Variants in TPO observed in about 807,000 individuals in gnomAD.
The protein encoded by TPO is thyroid peroxidase, also known as thyroid microsomal antigen.
A neutral mutation model predicts 96.9 loss-of-function variants in TPO; 78 were observed. The observed-to-expected ratio is 0.81, with a 90% CI of 0.67 to 0.97. The LOEUF is 0.97. Ranked by LOEUF, TPO falls within the 50% of genes least tolerant of loss-of-function variation. The pLI is 0.00. For synonymous variants in TPO, 547 were observed against 538.0 expected, an observed-to-expected ratio of 1.02 and a Z score of -0.23; for missense variants, 1,252 against 1,274.8, an observed-to-expected ratio of 0.98 and a Z score of 0.27.
intron 1 of TPO, among the ~76,000 whole-genome samples, chr2:1,381,011 C>T (rs1661801757): frequency 6.6e-6 from 1 of 152,176 alleles, no homozygotes. Flanking sequence ...TTCTGGGGCA[C>T]ATGTGCTGAA....
intron 5 of TPO, among the ~76,000 whole-genome samples, chr2:1,440,868 T>C (rs183279755): frequency 3.4e-4 from 52 of 152,120 alleles, no homozygotes; most frequent in African/African-American, 1.2e-3. Flanking sequence ...GTCCTTCTTG[T>C]TTCCATGGTG....
rs559239885 is a variant in TPO, at chr2:1,414,877, A to G, written c.94+375A>G. 2.0e-5 allele frequency among the ~76,000 whole-genome samples: 3 copies of G among 152,400 alleles called. No homozygotes were observed. The South Asian group carries it at 6.2e-4, about 32-fold the overall frequency. On this transcript the variant is annotated intron_variant, in intron 2 of 16. Transcript: ENST00000329066. Reference sequence around the variant, plus strand: ...CTACTATGTGAAAACAAGTTAAGAAAGCTACTGAGATGCAGTGGTTAAAAT... The same window carrying G: ...CTACTATGTGAAAACAAGTTAAGAAGGCTACTGAGATGCAGTGGTTAAAAT...
chr2:1,436,656 G>A (rs970063609), intron 5 of TPO, among the ~76,000 whole-genome samples: 6 of 152,040 alleles, frequency 3.9e-5, no homozygotes, highest in African/African-American at 7.2e-5. Context: ...AAATTCCACC[G>A]CCCTTCACCT....
At chr2:1,428,693 AC>A (rs1664677381) in intron 3 of TPO, among the ~76,000 whole-genome samples, 1 of 152,152 alleles carries the variant, frequency 6.6e-6, no homozygotes, top group South Asian at 2.1e-4. Flanking sequence ...CAAAAGGAGC[AC>A]CCTTGGCCTT....
chr2:1,538,305 G>GCGGGTTGAATT (rs1466713804), intron 15 of TPO, among the ~76,000 whole-genome samples: 1 of 152,170 alleles, frequency 6.6e-6, no homozygotes, highest in Non-Finnish European at 1.5e-5. Context: ...ACAAAGGAAA[G>GCGGGTTGAATT]CGGGTTGAAT....
chr2:1,531,066 C>G (rs1678047924), intron 15 of TPO, among the ~76,000 whole-genome samples: 1 of 73,918 alleles, frequency 1.4e-5, no homozygotes, highest in Non-Finnish European at 2.6e-5. Flanking sequence ...CCACTATGTG[C>G]AACCTCCTCA....
chr2:1,523,750 C>A lies in TPO; in HGVS notation c.2618+6768C>A, dbSNP rs113851155. 4.1e-3 allele frequency among the ~76,000 whole-genome samples: 485 copies of A among 118,660 alleles called. 9 individuals are homozygous for A. Among genetic ancestry groups the A allele is most frequent in the African/African-American group, 0.015 (462 of 30,400 alleles). The allele number at this position is 118,660 out of a possible 152,430, so 77.8% of individuals were successfully genotyped here. ...AGGTCCCCCACTGTGTGCAACCCCC[C>A]CAAATACCGCCACTGTGTGCAACCT... On this transcript the variant is annotated intron_variant, in intron 15 of 16. Coordinates refer to ENST00000329066, the MANE Select transcript of TPO (RefSeq NM_001206744.2).
At chr2:1,392,868 A>G (rs147873134) in intron 1 of TPO, among the ~76,000 whole-genome samples, 1,660 of 152,040 alleles carry the variant, frequency 0.011, 41 homozygotes, top group African/African-American at 0.038. Flanking sequence ...TATTGCATCT[A>G]TTTGATTCTT....
At chr2:1,420,525 T>A (rs1663406892) in intron 2 of TPO, among the ~76,000 whole-genome samples, 1 of 152,164 alleles carries the variant, frequency 6.6e-6, no homozygotes, top group South Asian at 2.1e-4. Context: ...AGCTTGAGAT[T>A]GACAATTTCA....
chr2:1,437,047 G>A (rs1665648115), intron 5 of TPO, among the ~76,000 whole-genome samples: 2 of 152,230 alleles, frequency 1.3e-5, no homozygotes, highest in South Asian at 4.1e-4. Context: ...ACACACAGAG[G>A]CATGTGATTC....
intron 3 of TPO, among the ~76,000 whole-genome samples, chr2:1,427,818 C>T (rs10519477): frequency 0.26 from 38,866 of 151,936 alleles, 5,186 homozygotes; most frequent in Admixed American, 0.35. Flanking sequence ...TTCCAATATT[C>T]ACAATTTGCT....
At chr2:1,481,632 ACC>A (rs1358003673) in intron 8 of TPO, among the ~76,000 whole-genome samples, 1 of 152,120 alleles carries the variant, frequency 6.6e-6, no homozygotes, top group Non-Finnish European at 1.5e-5. Flanking sequence ...TCGGCTGCTG[ACC>A]TTTGCTGTAG....
chr2:1,500,506 T>C (rs1028077861), intron 13 of TPO, among the ~76,000 whole-genome samples: 1 of 152,130 alleles, frequency 6.6e-6, no homozygotes, highest in Admixed American at 6.5e-5. Flanking sequence ...TTGATAAGAA[T>C]ATAAGCACTC....
intron 1 of TPO, among the ~76,000 whole-genome samples, chr2:1,385,130 T>C (rs1661870136): frequency 6.6e-6 from 1 of 152,240 alleles, no homozygotes; most frequent in South Asian, 2.1e-4. Flanking sequence ...ATTGAGGATT[T>C]TTGCATCAGT....
At chr2:1,539,298 T>A (rs188232845) in intron 15 of TPO, among the ~76,000 whole-genome samples, 1 of 152,334 alleles carries the variant, frequency 6.6e-6, no homozygotes, top group African/African-American at 2.4e-5. Context: ...GTCAGTGTAT[T>A]CTCACTGAAG....
intron 10 of TPO, among the ~76,000 whole-genome samples, chr2:1,489,296 C>T (rs1373882240): frequency 2.0e-5 from 3 of 151,780 alleles, no homozygotes; most frequent in Non-Finnish European, 4.4e-5. Flanking sequence ...CCCACACATG[C>T]CCAGCACACA....
intron 1 of TPO, among the ~76,000 whole-genome samples, chr2:1,381,466 A>AG (rs1331758263): frequency 6.6e-6 from 1 of 152,178 alleles, no homozygotes; most frequent in African/African-American, 2.4e-5. Flanking sequence ...AACAGCAACG[A>AG]GGGGGTGGTG....
At position 1,484,656 on chromosome 2, in the gene TPO, G is replaced by T. The variant is rs373267637; in HGVS notation, c.1399G>T (p.Val467Leu). Residue 467 changes from valine (V) to leucine (L), a missense_variant, in exon 9 of 17, where the codon GTG (valine) becomes TTG (leucine). Transcript: ENST00000329066. ...ILGPEAFQQY[V>L]GPYEGYDSTA... Reference sequence around the variant, plus strand: ...GGGACCCGAGGCCTTCCAGCAGTACGTGGGTCCCTATGAAGGCTATGACTC... The same window carrying T: ...GGGACCCGAGGCCTTCCAGCAGTACTTGGGTCCCTATGAAGGCTATGACTC... The T allele has an allele frequency of 6.2e-7, 1 of 1,614,132 alleles. No homozygotes were observed. Among genetic ancestry groups the T allele is most frequent in the South Asian group, 1.1e-5 (1 of 91,078 alleles).
At position 1,453,728 on chromosome 2, in the gene TPO, C is replaced by T. The variant is rs764723379; in HGVS notation, c.517C>T (p.Leu173=). Reference sequence around the variant, plus strand: ...CAGATGGGGCGCCTCCAACACGGCCCTGGCACGATGGCTCCCTCCAGTCTA... The same window carrying T: ...CAGATGGGGCGCCTCCAACACGGCCTTGGCACGATGGCTCCCTCCAGTCTA... ...HPRWGASNTA[L]ARWLPPVYED... The change falls in exon 6 of 17, where the codon CTG becomes TTG. Residue 173 remains leucine (L), a synonymous_variant. Transcript: ENST00000329066. 2 of 1,613,980 alleles carry T rather than the reference C, an allele frequency of 1.2e-6. No homozygotes were observed. The highest frequency in any genetic ancestry group is 3.3e-5 in the Admixed American group (2 of 60,032).
Sources: allele counts gnomAD v4.1 joint callset (sites outside exome capture counted in the v4.1 genomes callset), GRCh38; gene constraint gnomAD v4.1.1; transcripts MANE v1.5; gene names NCBI Gene and HGNC (gene_info 2026-07-23, HGNC 2026-07-21).